The following CCDC88A variants were observed in gnomAD, a reference collection of about 807,000 sequenced individuals.
CCDC88A encodes coiled-coil and HOOK domain protein 88A, also known as girdin.
Under a neutral mutation model 234.3 loss-of-function variants are expected in CCDC88A, and 54 were observed. The ratio of observed to expected loss-of-function variants is 0.23; its 90% CI spans 0.19 to 0.29. CCDC88A has a LOEUF of 0.29. CCDC88A is among the 10% of genes least tolerant of loss of function. The pLI is 1.00. For missense variants in CCDC88A, 1,832 were observed against 2,123.4 expected, an observed-to-expected ratio of 0.86 and a Z score of 2.70; for synonymous variants, 753 against 737.8, an observed-to-expected ratio of 1.02 and a Z score of -0.33.
chr2:55,372,560 CTATTA>C, intron 4 of CCDC88A, 50 bp from the exon 5 acceptor site: 1 of 884,080 alleles, frequency 1.1e-6, no homozygotes, highest in Non-Finnish European at 1.8e-6. Context: ...ATTTTCAACT[CTATTA>C]TATTTGGAGA....
intron 29 of CCDC88A, among the ~76,000 whole-genome samples, chr2:55,297,882 A>T (rs1680385682): frequency 6.6e-6 from 1 of 152,238 alleles, no homozygotes; most frequent in South Asian, 2.1e-4. Context: ...TAAAGAGCAT[A>T]CACATAAGGA....
At chr2:55,416,386 A>AAT (rs1465116119) in intron 2 of CCDC88A, among the ~76,000 whole-genome samples, 1 of 136,300 alleles carries the variant, frequency 7.3e-6, no homozygotes, top group African/African-American at 2.6e-5. Flanking sequence ...CAAAGCTACT[A>AAT]ATATATATGT....
At chr2:55,377,419 A>G (rs1673848199) in intron 3 of CCDC88A, among the ~76,000 whole-genome samples, 1 of 151,366 alleles carries the variant, frequency 6.6e-6, no homozygotes, top group Non-Finnish European at 1.5e-5. Flanking sequence ...TGGCCTCCCA[A>G]AGTGGTGCGA....
At chr2:55,418,568 A>C (rs1681843053) in intron 2 of CCDC88A, 3 of 522,828 alleles carry the variant, frequency 5.7e-6, no homozygotes, top group Admixed American at 6.5e-5. Context: ...TCAGTACTGA[A>C]GACAAGTGAC....
At chr2:55,312,117 C>T (rs1161182316) in intron 23 of CCDC88A, among the ~76,000 whole-genome samples, 2 of 152,156 alleles carry the variant, frequency 1.3e-5, no homozygotes, top group African/African-American at 4.8e-5. Context: ...GTTCACCTTG[C>T]CTCTCCCAGA....
intron 5 of CCDC88A, among the ~76,000 whole-genome samples, chr2:55,369,343 A>T (rs17792113): frequency 0.013 from 1,945 of 151,514 alleles, 13 homozygotes; most frequent in Non-Finnish European, 0.02. Flanking sequence ...TGAAATCTGA[A>T]CTCTATCTTA....
intron 5 of CCDC88A, among the ~76,000 whole-genome samples, chr2:55,366,567 ACACACACAC>A (rs1282133465): frequency 7.3e-5 from 11 of 150,274 alleles, no homozygotes; most frequent in Non-Finnish European, 1.2e-4. Context: ...ACACACACAC[ACACACACAC>A]AAGATATGAT....
intron 9 of CCDC88A, among the ~76,000 whole-genome samples, chr2:55,346,731 T>C (rs1032023346): frequency 1.3e-5 from 2 of 152,190 alleles, no homozygotes; most frequent in Non-Finnish European, 2.9e-5. Flanking sequence ...ATAAATTTAC[T>C]TTAAAAATCA....
At chr2:55,392,973 G>GT (rs993048657) in intron 2 of CCDC88A, among the ~76,000 whole-genome samples, 6 of 151,286 alleles carry the variant, frequency 4.0e-5, no homozygotes, top group Non-Finnish European at 5.9e-5. Context: ...CTTTGTTGTT[G>GT]TTTTTTTTCT....
chr2:55,384,704 T>C (rs1342854222), intron 3 of CCDC88A, among the ~76,000 whole-genome samples: 1 of 149,652 alleles, frequency 6.7e-6, no homozygotes, highest in Non-Finnish European at 1.5e-5. Flanking sequence ...TCGCCCAGGC[T>C]GGAGTGTAGT....
intron 16 of CCDC88A, chr2:55,329,358 T>C (rs992892016): frequency 2.6e-5 from 4 of 152,354 alleles, no homozygotes; most frequent in African/African-American, 9.6e-5. Flanking sequence ...AGTATGTATA[T>C]GAGAGTTTCA....
chr2:55,407,252 T>C (rs1679743096), intron 2 of CCDC88A, among the ~76,000 whole-genome samples: 2 of 151,656 alleles, frequency 1.3e-5, no homozygotes, highest in Non-Finnish European at 2.9e-5. Context: ...AAATTTTCCA[T>C]GAAGGACTAC....
chr2:55,303,211 A>ACCTGG, intron 25 of CCDC88A, 59 bp from the exon 26 acceptor site: 1 of 978,068 alleles, frequency 1.0e-6, no homozygotes, highest in Non-Finnish European at 1.6e-6. Flanking sequence ...AAAAGGGAGA[A>ACCTGG]GAACAGATGG....
rs1403514285 is a variant in CCDC88A at position 55,325,282 on chromosome 2, A to G, written c.2998-2590T>C. Among the ~76,000 whole-genome samples the G allele has an allele frequency of 2.6e-5, 4 of 152,232 alleles. No homozygotes were observed. In the East Asian group the frequency reaches 5.8e-4, roughly 22 times the overall value. On this transcript the variant is annotated intron_variant, in intron 17 of 32. Transcript: ENST00000436346. The stretch of plus-strand genomic sequence containing the variant: ...TGCACACATTTCCTTAAATTCATCC[A>G]TAAGTATTTCATAGTATTATAAATG...
At chr2:55,358,710 C>A (rs2864829) in intron 7 of CCDC88A, among the ~76,000 whole-genome samples, 74,842 of 151,758 alleles carry the variant, frequency 0.49, 20,527 homozygotes, top group East Asian at 0.85. Flanking sequence ...TAAACATTTC[C>A]ATTTCTTTCT....
intron 29 of CCDC88A, 33 bp downstream of exon 29, chr2:55,299,806 T>C (rs1244053993): frequency 6.5e-6 from 9 of 1,381,610 alleles, no homozygotes; most frequent in Non-Finnish European, 9.3e-6. Context: ...TGGAAATGGA[T>C]AGAGCGCATT....
chr2:55,400,782 A>T (rs1678479121), intron 2 of CCDC88A, among the ~76,000 whole-genome samples: 1 of 152,172 alleles, frequency 6.6e-6, no homozygotes, highest in South Asian at 2.1e-4. Flanking sequence ...CTCTTGGACC[A>T]TCTGTTCTGT....
chr2:55,305,912 TC>T (rs1332941358), intron 25 of CCDC88A, among the ~76,000 whole-genome samples: 18 of 152,168 alleles, frequency 1.2e-4, no homozygotes, highest in African/African-American at 4.3e-4. Flanking sequence ...TATTACTATT[TC>T]TTTCTTTTTT....
At chr2:55,385,151 C>G (rs1450289289) in intron 3 of CCDC88A, among the ~76,000 whole-genome samples, 1 of 151,946 alleles carries the variant, frequency 6.6e-6, no homozygotes, top group Non-Finnish European at 1.5e-5. Flanking sequence ...ACCACCACTA[C>G]CAAAAGAAAC....
Sources: gnomAD v4.1 joint callset for allele counts (sites outside exome capture counted in the v4.1 genomes callset) on GRCh38, gnomAD v4.1.1 for gene constraint, MANE v1.5 for transcripts, NCBI Gene and HGNC (gene_info 2026-07-23, HGNC 2026-07-21) for gene names.